Variants in TNRC6B observed in about 807,000 individuals in gnomAD.
The protein encoded by TNRC6B is trinucleotide repeat-containing gene 6B protein.
A neutral mutation model predicts 203.6 loss-of-function variants in TNRC6B; 52 were observed. That is an observed-to-expected ratio of 0.26 (90% CI 0.20 to 0.32). The LOEUF (loss-of-function observed/expected upper bound fraction) is 0.32, where lower values mean the gene tolerates loss of function less well. Among genes scored for constraint, TNRC6B ranks in the 10% least tolerant of loss-of-function variants. TNRC6B has a pLI of 1.00. For synonymous variants in TNRC6B, 838 were observed against 845.7 expected (o/e 0.99, Z 0.16); for missense variants, 1,923 against 2,286.2 (o/e 0.84, Z 3.24).
At chr22:40,170,951 G>GTA (rs1462407218) in intron 4 of TNRC6B, among the ~76,000 whole-genome samples, 4 of 144,370 alleles carry the variant, frequency 2.8e-5, no homozygotes, top group Admixed American at 1.4e-4. Context: ...ACATATAGGT[G>GTA]TATATATACA....
intron 1 of TNRC6B, among the ~76,000 whole-genome samples, chr22:40,051,990 G>T (rs970265940): frequency 6.6e-6 from 1 of 152,130 alleles, no homozygotes; most frequent in Non-Finnish European, 1.5e-5. Context: ...GCCACATGTG[G>T]CTAGTGGCTA....
At chr22:40,268,756 G>A (rs566618985) in intron 5 of TNRC6B, among the ~76,000 whole-genome samples, 14 of 151,754 alleles carry the variant, frequency 9.2e-5, no homozygotes, top group African/African-American at 2.9e-4. Context: ...CTAAAAAATC[G>A]AAAAAATTAG....
rs1252599457 is a variant in TNRC6B at position 40,330,490 on chromosome 22, A to G, written c.*7249A>G. The G allele has an allele frequency of 3.9e-5, 6 of 152,388 alleles. No homozygotes were observed. Among genetic ancestry groups the G allele is most frequent in the Non-Finnish European group, 7.3e-5 (5 of 68,050 alleles). 9.4% of individuals were successfully genotyped at this position (152,388 alleles called of 1,614,324 possible). ...CAGTACATCCTATGTGTGTTCGCCA[A>G]AAATGGGAAAGGTGGGTATTTAGGC... On this transcript the variant is annotated 3_prime_UTR_variant, in exon 23 of 23. Transcript: ENST00000454349.
chr22:40,170,847 ATG>A lies in TNRC6B; in HGVS notation c.113+14671_113+14672del, dbSNP rs575212037. Among the ~76,000 whole-genome samples, 721 of 96,864 alleles carry A rather than the reference ATG, an allele frequency of 7.4e-3. 5 individuals carry two copies. The highest frequency in any genetic ancestry group is 0.011 in the Non-Finnish European group (563 of 50,424). 63.5% of individuals were successfully genotyped at this position (96,864 alleles called of 152,430 possible). ...TGTGTATATACATATATGTACATATATGTGTGTATATATACATATATGTACAT... is the reference window on the plus strand; with the variant it reads ...TGTGTATATACATATATGTACATATATGTGTATATATACATATATGTACAT... On this transcript the variant is annotated intron_variant, in intron 4 of 23. Coordinates refer to the TNRC6B transcript ENST00000301923.
chr22:40,322,068 G>A (rs1263326482), intron 22 of TNRC6B, among the ~76,000 whole-genome samples: 1 of 152,186 alleles, frequency 6.6e-6, no homozygotes, highest in Non-Finnish European at 1.5e-5. Flanking sequence ...GCAGCGAGGA[G>A]CCCCTGAGAA....
At chr22:40,215,705 C>T (rs986315735) in intron 1 of TNRC6B, among the ~76,000 whole-genome samples, 4 of 152,194 alleles carry the variant, frequency 2.6e-5, no homozygotes, top group African/African-American at 9.7e-5. Context: ...TGTTCTCTCT[C>T]TCCCCTTTTC....
chr22:40,047,094 T>G (rs1040675667), intron 1 of TNRC6B, among the ~76,000 whole-genome samples: 1 of 152,180 alleles, frequency 6.6e-6, no homozygotes, highest in African/African-American at 2.4e-5. Flanking sequence ...GTATCGTTAC[T>G]ATACTATGAA....
chr22:40,284,534 G>A (rs1168774908), intron 11 of TNRC6B, among the ~76,000 whole-genome samples: 1 of 152,218 alleles, frequency 6.6e-6, no homozygotes, highest in Non-Finnish European at 1.5e-5. Flanking sequence ...GAATTGGTGG[G>A]TCATGGATAT....
rs200769627 is a variant in TNRC6B, at chr22:40,163,748, C to T, written c.113+7566C>T. On this transcript the variant is annotated intron_variant, in intron 4 of 23. Transcript: ENST00000301923. ...TGCAATCCAGCCTGGGCAACAAGAG[C>T]GAAACTCTGTCTCAAAAACAAAAAG... Among the ~76,000 whole-genome samples the T allele has an allele frequency of 8.6e-5, 13 of 151,562 alleles. No homozygotes were observed. The East Asian group carries it at 1.5e-3, about 18-fold the overall frequency.
intron 1 of TNRC6B, among the ~76,000 whole-genome samples, chr22:40,100,062 TTTTTATTATTTATTTATTTATTTA>T (rs2068222265): frequency 7.2e-6 from 1 of 139,298 alleles, no homozygotes. Context: ...CTCCATTTTA[TTTTTATTATTTATTTATTTATTTA>T]TTTATTTATT....
chr22:40,174,181 A>C (rs1601858864), upstream of TNRC6B, among the ~76,000 whole-genome samples: 1 of 146,150 alleles, frequency 6.8e-6, no homozygotes, highest in African/African-American at 2.5e-5. Context: ...TTTTTTTTTT[A>C]GAGACAGAGT....
At chr22:40,104,564 G>C (rs1378448967) in intron 1 of TNRC6B, among the ~76,000 whole-genome samples, 2 of 152,186 alleles carry the variant, frequency 1.3e-5, no homozygotes, top group Non-Finnish European at 2.9e-5. Flanking sequence ...AGATGGTGGA[G>C]GATTGAGATG....
chr22:40,241,900 G>C (rs938487064), intron 1 of TNRC6B, among the ~76,000 whole-genome samples: 1 of 152,086 alleles, frequency 6.6e-6, no homozygotes. Context: ...TGTTGATGTT[G>C]TTCCAGATTT....
At chr22:40,213,757 A>G (rs531181407) in intron 1 of TNRC6B, among the ~76,000 whole-genome samples, 3 of 152,316 alleles carry the variant, frequency 2.0e-5, no homozygotes, top group South Asian at 2.1e-4. Flanking sequence ...GGCTTTGGAA[A>G]GATGCCAAGA....
intron 1 of TNRC6B, 142 bp downstream of exon 1, chr22:40,178,282 C>T: frequency 2.2e-6 from 2 of 900,204 alleles, no homozygotes; most frequent in Non-Finnish European, 1.7e-6. Context: ...GTAAATCAGA[C>T]CCGTGATGTA....
At chr22:40,251,676 G>A (rs1002352103) in intron 3 of TNRC6B, among the ~76,000 whole-genome samples, 1 of 151,380 alleles carries the variant, frequency 6.6e-6, no homozygotes, top group African/African-American at 2.4e-5. Context: ...CCGAGATCAT[G>A]CCACTACACT....
chr22:40,199,031 A>G (rs868761855), intron 1 of TNRC6B, among the ~76,000 whole-genome samples: 2 of 152,102 alleles, frequency 1.3e-5, no homozygotes, highest in Non-Finnish European at 2.9e-5. Context: ...ATCTTGGGTT[A>G]GAAAGCAAAG....
chr22:40,166,591 A>G (rs2068921717), intron 4 of TNRC6B, among the ~76,000 whole-genome samples: 1 of 152,174 alleles, frequency 6.6e-6, no homozygotes. Flanking sequence ...TATTGGTAAC[A>G]TCATATAAAT....
intron 5 of TNRC6B, among the ~76,000 whole-genome samples, chr22:40,269,548 A>G (rs776190464): frequency 4.6e-5 from 7 of 152,076 alleles, no homozygotes; most frequent in Admixed American, 1.3e-4. Flanking sequence ...GTATTGTTAT[A>G]CATGTAATTT....
Sources: gnomAD v4.1 joint callset for allele counts (sites outside exome capture counted in the v4.1 genomes callset) on GRCh38, gnomAD v4.1.1 for gene constraint, MANE v1.5 for transcripts, NCBI Gene and HGNC (gene_info 2026-07-23, HGNC 2026-07-21) for gene names.